LARP4B: variants seen among roughly 807,000 people sequenced by gnomAD.
LARP4B encodes la-related protein 4B.
A neutral mutation model predicts 89.8 loss-of-function variants in LARP4B; 12 were observed. The ratio of observed to expected loss-of-function variants is 0.13; its 90% CI spans 0.09 to 0.22. The LOEUF (loss-of-function observed/expected upper bound fraction) is 0.22. Ranked by LOEUF, LARP4B falls within the 10% of genes least tolerant of loss-of-function variation. The pLI is 1.00. For missense variants in LARP4B, 757 were observed against 947.7 expected (o/e 0.80, Z 2.64); for synonymous variants, 367 against 363.3 (o/e 1.01, Z -0.12).
At chr10:860,236 A>G (rs1299422194) in intron 5 of LARP4B, among the ~76,000 whole-genome samples, 1 of 152,142 alleles carries the variant, frequency 6.6e-6, no homozygotes, top group Non-Finnish European at 1.5e-5. Flanking sequence ...GATGTTTGAT[A>G]GCATTAGTCC....
intron 12 of LARP4B, 62 bp downstream of exon 12, chr10:825,702 T>A (rs1300033185): frequency 5.4e-6 from 6 of 1,110,702 alleles, no homozygotes; most frequent in Non-Finnish European, 8.1e-6. Context: ...AGCTCTCTCA[T>A]CCCAACTCCG....
Position 915,657 on chromosome 10 carries a change from A to G in LARP4B, c.-40+15771T>C, listed in dbSNP as rs11253508. ...ATCTCTACTAAAAATACAAACAATT[A>G]GCTGGATGTGGTGGTGGGCGCCTGT... On this transcript the variant is annotated intron_variant, in intron 1 of 17. Coordinates refer to ENST00000316157, the MANE Select transcript of LARP4B (RefSeq NM_015155.3). 1.4e-4 allele frequency among the ~76,000 whole-genome samples: 22 copies of G among 152,066 alleles called. No individual in the cohort carries two copies. The East Asian group carries it at 3.5e-3, about 24-fold the overall frequency.
Position 822,265 on chromosome 10 carries a change from G to A in LARP4B, c.1485-1420C>T, listed in dbSNP as rs540926993. 6.6e-6 allele frequency among the ~76,000 whole-genome samples: 1 copy of A among 152,346 alleles called. No individual in the cohort carries two copies. The highest frequency in any genetic ancestry group is 1.9e-4 in the East Asian group (1 of 5,184). On this transcript the variant is annotated intron_variant, in intron 13 of 17. Coordinates refer to ENST00000316157, the MANE Select transcript of LARP4B (RefSeq NM_015155.3). The surrounding 1 kb of genome is among the most constrained non-coding windows in gnomAD (Gnocchi z 4.6). ...CTGGGAGGGGTGTGAGACGGATGGT[G>A]TCAGCACCTGCTTGCCCAGAGGCAT...
At chr10:844,487 G>A (rs1034691846) in intron 6 of LARP4B, among the ~76,000 whole-genome samples, 1 of 152,158 alleles carries the variant, frequency 6.6e-6, no homozygotes, top group Non-Finnish European at 1.5e-5. Flanking sequence ...CCCATCGGTT[G>A]TTGTCATACT....
At position 825,963 on chromosome 10, in the gene LARP4B, C is replaced by A; in HGVS notation, c.1126-93G>T. On this transcript the variant is annotated intron_variant, in intron 11 of 17. Transcript: ENST00000316157. ...AAATCTGTGGAAACTGAGGGCATTT[C>A]TTGATGTTGTCAGAGTCATGACCCA... 11 of 823,588 alleles carry A rather than the reference C, an allele frequency of 1.3e-5. No individual in the cohort carries two copies. In the South Asian group the frequency reaches 1.6e-4, roughly 12 times the overall value. The allele number at this position is 823,588 out of a possible 1,614,324, so 51.0% of individuals were successfully genotyped here. A position where few individuals can be genotyped will look rare whatever the true frequency, so the allele number is the denominator to read the frequency against.
chr10:980,391 C>T, the LARP4B span, among the ~76,000 whole-genome samples: 2 of 152,222 alleles, frequency 1.3e-5, no homozygotes, highest in Non-Finnish European at 1.5e-5. Context: ...CCTCACATTT[C>T]CCCTTGGCAC....
chr10:891,225 AG>A (rs1212530279), intron 1 of LARP4B, among the ~76,000 whole-genome samples: 1 of 152,128 alleles, frequency 6.6e-6, no homozygotes, highest in Non-Finnish European at 1.5e-5. Context: ...TACAAGAGCC[AG>A]GGGACCACCA....
chr10:815,162 G>A, intron 15 of LARP4B, 92 bp from the exon 16 acceptor site: 1 of 1,457,072 alleles, frequency 6.9e-7, no homozygotes, highest in Non-Finnish European at 9.1e-7. Context: ...GAACAGCCTT[G>A]GGAGAGCAGC....
At chr10:904,484 G>A (rs966622699) in intron 1 of LARP4B, among the ~76,000 whole-genome samples, 6 of 148,472 alleles carry the variant, frequency 4.0e-5, no homozygotes, top group Non-Finnish European at 8.9e-5. Context: ...AGCCTGGGGG[G>A]CGGAGGGTTG....
At chr10:889,660 C>T (rs1835958586) in intron 1 of LARP4B, among the ~76,000 whole-genome samples, 1 of 152,196 alleles carries the variant, frequency 6.6e-6, no homozygotes, top group South Asian at 2.1e-4. Flanking sequence ...TAACATCTCA[C>T]TCAATTTTCC....
At chr10:827,277 A>G (rs2131645318) in intron 11 of LARP4B, among the ~76,000 whole-genome samples, 1 of 152,232 alleles carries the variant, frequency 6.6e-6, no homozygotes, top group South Asian at 2.1e-4. Context: ...CTCTGTCTCA[A>G]AGAAAAAGAA....
chr10:891,749 A>C (rs1203102100), intron 1 of LARP4B, among the ~76,000 whole-genome samples: 1 of 152,274 alleles, frequency 6.6e-6, no homozygotes, highest in African/African-American at 2.4e-5. Context: ...AGTAACCTTT[A>C]CACCAATATA....
intron 1 of LARP4B, among the ~76,000 whole-genome samples, chr10:906,586 G>C (rs1253614256): frequency 6.6e-6 from 1 of 152,156 alleles, no homozygotes; most frequent in Non-Finnish European, 1.5e-5. Context: ...TTGTCTCCTT[G>C]AGTTATGCTC....
chr10:957,276 C>T, the LARP4B span, among the ~76,000 whole-genome samples: 4 of 152,196 alleles, frequency 2.6e-5, no homozygotes, highest in Non-Finnish European at 5.9e-5. Flanking sequence ...GATTATCCTG[C>T]CTCAGCCTCC....
At chr10:928,126 G>T (rs1040803862) in intron 1 of LARP4B, among the ~76,000 whole-genome samples, 4 of 151,988 alleles carry the variant, frequency 2.6e-5, no homozygotes, top group Admixed American at 2.6e-4. Flanking sequence ...GGAGGCTGAG[G>T]CAGGAGAATC....
chr10:919,346 T>C (rs1013393380), intron 1 of LARP4B, among the ~76,000 whole-genome samples: 4 of 152,260 alleles, frequency 2.6e-5, no homozygotes, highest in Non-Finnish European at 5.9e-5. Flanking sequence ...CGTTCAGTGG[T>C]AGAATTCTCT....
the LARP4B span, among the ~76,000 whole-genome samples, chr10:977,954 T>G: frequency 6.6e-6 from 1 of 152,138 alleles, no homozygotes; most frequent in East Asian, 1.9e-4. Context: ...ACTGCCACAC[T>G]TTAAAAGTGA....
At position 825,667 on chromosome 10, in the gene LARP4B, T is replaced by G. The variant is rs991114439; in HGVS notation, c.1232+97A>C. The G allele has an allele frequency of 1.9e-5, 15 of 780,342 alleles. No individual in the cohort carries two copies. The African/African-American group carries it at 2.6e-4, about 14-fold the overall frequency. 48.3% of individuals were successfully genotyped at this position (780,342 alleles called of 1,614,324 possible). The stretch of plus-strand genomic sequence containing the variant: ...GCTGTGTGCTTCAGGTGGCTCTGTC[T>G]GCGAGGAGCAGGACTAGTGATCAAA... On this transcript the variant is annotated intron_variant, in intron 12 of 17. Coordinates refer to ENST00000316157, the MANE Select transcript of LARP4B (RefSeq NM_015155.3).
the LARP4B span, among the ~76,000 whole-genome samples, chr10:955,027 C>G: frequency 1.9e-4 from 14 of 73,174 alleles, no homozygotes; most frequent in Non-Finnish European, 2.0e-4. The surrounding 1 kb of genome is among the most constrained non-coding windows in gnomAD (Gnocchi z 5.2). Context: ...CAGCTCCCAT[C>G]CACGCTTCCC....
Sources: gnomAD v4.1 joint callset for allele counts (sites outside exome capture counted in the v4.1 genomes callset) on GRCh38, gnomAD v4.1.1 for gene constraint, Gnocchi (gnomAD v3.1) non-coding constraint, MANE v1.5 for transcripts, NCBI Gene and HGNC (gene_info 2026-07-23, HGNC 2026-07-21) for gene names.